The following CPEB1 variants were observed in gnomAD, a reference collection of about 807,000 sequenced individuals.
The protein encoded by CPEB1 is cytoplasmic polyadenylation element binding protein 1.
A neutral mutation model predicts 65.8 loss-of-function variants in CPEB1; 7 were observed. The observed-to-expected ratio is 0.11, with a 90% CI of 0.06 to 0.20. The LOEUF is 0.20. Ranked by LOEUF, CPEB1 falls within the 10% of genes least tolerant of loss-of-function variation. The probability of loss-of-function intolerance (pLI) is 1.00; values close to 1 mark genes in which losing one functional copy is unlikely to be tolerated. For missense variants in CPEB1, 551 were observed against 712.2 expected (o/e 0.77, Z 2.58); for synonymous variants, 262 against 260.0 (o/e 1.01, Z -0.08).
At chr15:82,605,217 T>C (rs2043457345) in intron 3 of CPEB1, among the ~76,000 whole-genome samples, 1 of 152,156 alleles carries the variant, frequency 6.6e-6, no homozygotes. Context: ...AGACCTCCCC[T>C]ACAACAAATA....
chr15:82,609,760 AAG>A (rs1351492691), intron 3 of CPEB1, among the ~76,000 whole-genome samples: 14 of 152,236 alleles, frequency 9.2e-5, no homozygotes, highest in Non-Finnish European at 1.6e-4. Context: ...GAAAGTAAAA[AAG>A]AATATAAATT....
intron 4 of CPEB1, among the ~76,000 whole-genome samples, chr15:82,562,541 T>C (rs2038401955): frequency 6.6e-6 from 1 of 152,150 alleles, no homozygotes; most frequent in African/African-American, 2.4e-5. Context: ...TCCTCTGACT[T>C]AAAGACTGGA....
chr15:82,588,099 GTTTGTTT>G (rs2041945369), intron 3 of CPEB1, among the ~76,000 whole-genome samples: 1 of 138,900 alleles, frequency 7.2e-6, no homozygotes, highest in African/African-American at 2.8e-5. Context: ...GTTTTTTTTT[GTTTGTTT>G]TTTGTTTTTG....
chr15:82,574,547 G>C (rs955189435), intron 3 of CPEB1, among the ~76,000 whole-genome samples: 5 of 151,556 alleles, frequency 3.3e-5, no homozygotes, highest in Non-Finnish European at 7.4e-5. Flanking sequence ...GTGAAAACCT[G>C]TCTCTACTAA....
chr15:82,581,023 T>C (rs1016105775), intron 3 of CPEB1, among the ~76,000 whole-genome samples: 1 of 152,100 alleles, frequency 6.6e-6, no homozygotes, highest in Non-Finnish European at 1.5e-5. Flanking sequence ...GCTAAATTTT[T>C]AGAGATGGAA....
At chr15:82,562,287 T>C in intron 4 of CPEB1, 1 of 446,082 alleles carries the variant, frequency 2.2e-6, no homozygotes. Context: ...AGTCCCTGCT[T>C]TAGGACCTAG....
At chr15:82,609,845 G>C (rs1265152598) in intron 3 of CPEB1, among the ~76,000 whole-genome samples, 1 of 152,078 alleles carries the variant, frequency 6.6e-6, no homozygotes, top group East Asian at 1.9e-4. Flanking sequence ...TGGATCACCT[G>C]AGGTTGGGAG....
chr15:82,585,256 AGAC>A (rs1433257402), intron 3 of CPEB1, among the ~76,000 whole-genome samples: 1 of 152,144 alleles, frequency 6.6e-6, no homozygotes, highest in Non-Finnish European at 1.5e-5. Flanking sequence ...TTTATTCTCC[AGAC>A]AAAATGATGC....
chr15:82,613,408 G>A (rs1037969979), intron 3 of CPEB1, among the ~76,000 whole-genome samples: 1 of 152,004 alleles, frequency 6.6e-6, no homozygotes, highest in African/African-American at 2.4e-5. Flanking sequence ...TTTTTTTGGA[G>A]ACAGTGTCTG....
intron 1 of CPEB1, among the ~76,000 whole-genome samples, chr15:82,646,262 G>A (rs1345896018): frequency 6.6e-6 from 1 of 152,228 alleles, no homozygotes; most frequent in Non-Finnish European, 1.5e-5. Flanking sequence ...GCAGCCAAGA[G>A]GCGGGCGGTG....
chr15:82,638,141 A>G (rs933588917), intron 1 of CPEB1: 8 of 293,168 alleles, frequency 2.7e-5, no homozygotes, highest in African/African-American at 1.8e-4. Flanking sequence ...AGTTGGAAAA[A>G]GGAGTATTTT....
intron 3 of CPEB1, among the ~76,000 whole-genome samples, chr15:82,604,201 G>A (rs538291819): frequency 4.6e-5 from 7 of 152,128 alleles, no homozygotes; most frequent in African/African-American, 9.6e-5. Context: ...ACAAAACAAC[G>A]GGCCAGGTGC....
chr15:82,587,213 G>A (rs141721127), intron 3 of CPEB1, among the ~76,000 whole-genome samples: 1 of 152,248 alleles, frequency 6.6e-6, no homozygotes, highest in East Asian at 1.9e-4. Context: ...TGTATATGGT[G>A]AGACAGGACT....
chr15:82,640,052 A>G (rs2046982730), intron 1 of CPEB1, among the ~76,000 whole-genome samples: 1 of 152,148 alleles, frequency 6.6e-6, no homozygotes, highest in East Asian at 1.9e-4. Flanking sequence ...CTTTAGCTGT[A>G]AGCTTAGCTA....
intron 3 of CPEB1, among the ~76,000 whole-genome samples, chr15:82,591,205 A>G (rs1242175468): frequency 6.6e-6 from 1 of 152,078 alleles, no homozygotes; most frequent in Non-Finnish European, 1.5e-5. Context: ...TTTTAATTGT[A>G]GCCATCCTGA....
intron 8 of CPEB1, among the ~76,000 whole-genome samples, chr15:82,552,899 T>C (rs1252362512): frequency 6.6e-6 from 1 of 152,190 alleles, no homozygotes; most frequent in African/African-American, 2.4e-5. Context: ...CATGTTCAGG[T>C]CAGCAGAGCC....
intron 3 of CPEB1, among the ~76,000 whole-genome samples, chr15:82,577,971 T>C (rs1454284461): frequency 2.0e-5 from 3 of 151,908 alleles, no homozygotes; most frequent in African/African-American, 7.3e-5. Flanking sequence ...AAACCCCGTC[T>C]CTAATAAAAA....
At chr15:82,569,867 G>A (rs74028529) in intron 4 of CPEB1, among the ~76,000 whole-genome samples, 1 of 152,180 alleles carries the variant, frequency 6.6e-6, no homozygotes, top group East Asian at 1.9e-4. Context: ...CTCAGATACG[G>A]TGGAAGTGAG....
At chr15:82,556,263 T>G in intron 5 of CPEB1, 141 bp from the exon 6 acceptor site, 7 of 950,384 alleles carry the variant, frequency 7.4e-6, no homozygotes, top group Non-Finnish European at 9.0e-6. Context: ...CCTGAGCAAT[T>G]TTGATTAGTT....
Sources: gnomAD v4.1 joint callset for allele counts (sites outside exome capture counted in the v4.1 genomes callset) on GRCh38, gnomAD v4.1.1 for gene constraint, MANE v1.5 for transcripts, NCBI Gene and HGNC (gene_info 2026-07-23, HGNC 2026-07-21) for gene names.